Variants in DCDC1 observed in about 807,000 individuals in gnomAD.
The protein encoded by DCDC1 is doublecortin domain-containing protein 1.
In DCDC1, 200 loss-of-function variants were observed where a neutral mutation model predicts 178.3. The ratio of observed to expected loss-of-function variants is 1.12; its 90% confidence interval spans 1.00 to 1.26. DCDC1 has a LOEUF of 1.26. DCDC1 is among the 50% of genes most tolerant of loss of function. The pLI is 0.00. For missense variants in DCDC1, 1,983 were observed against 1,749.2 expected, an observed-to-expected ratio of 1.13 and a Z score of -2.38; for synonymous variants, 690 against 604.8, an observed-to-expected ratio of 1.14 and a Z score of -2.07.
At chr11:31,212,906 G>A (rs1387837199) in intron 9 of DCDC1, among the ~76,000 whole-genome samples, 3 of 152,070 alleles carry the variant, frequency 2.0e-5, no homozygotes, top group Non-Finnish European at 4.4e-5. Context: ...TCCATTAGTA[G>A]CTATATATAA....
chr11:31,334,507 T>C (rs550054034), intron 2 of DCDC1, among the ~76,000 whole-genome samples: 1 of 152,318 alleles, frequency 6.6e-6, no homozygotes, highest in African/African-American at 2.4e-5. Context: ...TTTCCCTCCA[T>C]CTTTGTGGTT....
chr11:31,012,233 G>A (rs1028465168), intron 20 of DCDC1, among the ~76,000 whole-genome samples: 1 of 152,092 alleles, frequency 6.6e-6, no homozygotes, highest in Non-Finnish European at 1.5e-5. Flanking sequence ...ATTTCTTTAT[G>A]GCAGTGTAAG....
At chr11:30,916,345 T>C (rs1240161999) in intron 26 of DCDC1, among the ~76,000 whole-genome samples, 2 of 152,214 alleles carry the variant, frequency 1.3e-5, no homozygotes, top group Non-Finnish European at 2.9e-5. Flanking sequence ...GTGCTAAATG[T>C]TGAAGTGTCA....
intron 20 of DCDC1, among the ~76,000 whole-genome samples, chr11:30,959,801 C>G (rs900198471): frequency 6.6e-6 from 1 of 152,106 alleles, no homozygotes; most frequent in Non-Finnish European, 1.5e-5. Context: ...CCTTTCCTTC[C>G]CAAGATATGT....
At chr11:31,023,329 T>C (rs1236133417) in intron 20 of DCDC1, among the ~76,000 whole-genome samples, 1 of 152,020 alleles carries the variant, frequency 6.6e-6, no homozygotes. Flanking sequence ...GGCTTGAGGT[T>C]TTTCAGGCAT....
intron 9 of DCDC1, among the ~76,000 whole-genome samples, chr11:31,234,475 C>A (rs1353504019): frequency 6.6e-6 from 1 of 152,140 alleles, no homozygotes; most frequent in Non-Finnish European, 1.5e-5. Context: ...AAGATGTTTA[C>A]AATTGCTTTA....
chr11:31,296,730 G>A (rs1023942570), intron 6 of DCDC1, among the ~76,000 whole-genome samples: 4 of 152,178 alleles, frequency 2.6e-5, no homozygotes, highest in Non-Finnish European at 5.9e-5. Context: ...ATGGTGGAAG[G>A]AGAAGCAAAC....
chr11:30,976,397 T>A (rs569441651), intron 20 of DCDC1, among the ~76,000 whole-genome samples: 66 of 151,970 alleles, frequency 4.3e-4, no homozygotes, highest in Non-Finnish European at 9.0e-4. Flanking sequence ...AAAAAGAGTA[T>A]CTGTTGAATG....
chr11:31,337,154 C>G (rs1228936835), intron 1 of DCDC1, among the ~76,000 whole-genome samples: 1 of 152,184 alleles, frequency 6.6e-6, no homozygotes. Context: ...ACCTAAAATA[C>G]ATGGTATTTA....
At chr11:31,132,405 A>G (rs1017708148) in intron 10 of DCDC1, among the ~76,000 whole-genome samples, 1 of 152,356 alleles carries the variant, frequency 6.6e-6, no homozygotes, top group Non-Finnish European at 1.5e-5. Flanking sequence ...AGGTAATATA[A>G]TACTCATGAA....
intron 20 of DCDC1, among the ~76,000 whole-genome samples, chr11:31,043,841 T>G (rs1954641192): frequency 6.6e-6 from 1 of 150,386 alleles, no homozygotes. Flanking sequence ...TTTTTGTACC[T>G]TATAAGTGCT....
intron 9 of DCDC1, among the ~76,000 whole-genome samples, chr11:31,172,797 G>A (rs949881245): frequency 2.0e-5 from 3 of 152,144 alleles, no homozygotes; most frequent in Admixed American, 6.5e-5. Flanking sequence ...GCAAGCTGAG[G>A]AGGAGGACAA....
At chr11:31,017,718 T>TA (rs1952578652) in intron 20 of DCDC1, among the ~76,000 whole-genome samples, 3 of 152,108 alleles carry the variant, frequency 2.0e-5, no homozygotes, top group African/African-American at 7.2e-5. Flanking sequence ...TAGCTGGCAC[T>TA]ACAGGCACAC....
At chr11:30,874,228 G>A (rs201025962) in intron 38 of DCDC1, among the ~76,000 whole-genome samples, 2 of 152,112 alleles carry the variant, frequency 1.3e-5, no homozygotes, top group African/African-American at 2.4e-5. Flanking sequence ...CTGTGGTCAC[G>A]ACGTGCTTCT....
rs75259302 is a variant in DCDC1, at chr11:31,175,030, G to A, written c.1222-37246C>T. On this transcript the variant is annotated intron_variant, in intron 9 of 38. Coordinates refer to ENST00000684477, the MANE Select transcript of DCDC1 (RefSeq NM_001387274.1). ...GCCACTTGCTCACCAAATTGCAGTC[G>A]ACAAGAAGGAAAGATAAAAGGAGAG... is the stretch of plus-strand genomic sequence containing the variant. Among the ~76,000 whole-genome samples, 392 of 152,302 alleles carry A rather than the reference G, an allele frequency of 2.6e-3. 3 individuals carry two copies. Among genetic ancestry groups the A allele is most frequent in the African/African-American group, 7.1e-3 (295 of 41,566 alleles).
Position 30,920,902 on chromosome 11 carries a change from G to A in DCDC1, c.3167C>T (p.Ser1056Phe), listed in dbSNP as rs1026772280. 4 of 1,612,524 alleles carry A rather than the reference G, an allele frequency of 2.5e-6. No individual in the cohort carries two copies. The highest frequency in any genetic ancestry group is 2.7e-5 in the African/African-American group (2 of 74,918). Residue 1056 changes from serine (S) to phenylalanine (F), a missense_variant, in exon 25 of 39, where the codon TCT becomes TTT. Physicochemically the swap from Ser to Phe is radical, Grantham distance 155. Coordinates refer to ENST00000684477, the MANE Select transcript of DCDC1 (RefSeq NM_001387274.1). Reference sequence around the variant, plus strand: ...TTTATGCACAGCAAGCTTGCTTCCAGATACAATGTCACTTTGGACTTCTAA... The same window carrying A: ...TTTATGCACAGCAAGCTTGCTTCCAAATACAATGTCACTTTGGACTTCTAA... ...LVLEVQSDIV[S>F]GSKLAVHKPV...
chr11:31,088,595 G>A (rs1957615374), intron 17 of DCDC1, among the ~76,000 whole-genome samples: 1 of 151,984 alleles, frequency 6.6e-6, no homozygotes, highest in Non-Finnish European at 1.5e-5. Flanking sequence ...TGGCATTTGT[G>A]TTATTTCCAT....
chr11:31,030,224 T>A (rs936526295), intron 20 of DCDC1, among the ~76,000 whole-genome samples: 1 of 152,278 alleles, frequency 6.6e-6, no homozygotes, highest in East Asian at 1.9e-4. Flanking sequence ...GAAAATCAAT[T>A]ACCTTCTTGC....
At chr11:30,967,198 T>A (rs1454909591) in intron 20 of DCDC1, among the ~76,000 whole-genome samples, 5 of 124,238 alleles carry the variant, frequency 4.0e-5, no homozygotes, top group Admixed American at 8.9e-5. Flanking sequence ...TTGGGCAGTA[T>A]GGCCATTTTC....
Sources: gnomAD v4.1 joint callset for allele counts (sites outside exome capture counted in the v4.1 genomes callset) on GRCh38, gnomAD v4.1.1 for gene constraint, MANE v1.5 for transcripts, NCBI Gene and HGNC (gene_info 2026-07-23, HGNC 2026-07-21) for gene names.